Variants in GPR158 observed in about 807,000 individuals in gnomAD.
The protein encoded by GPR158 is metabotropic glycine receptor.
A neutral mutation model predicts 78.2 loss-of-function variants in GPR158; 30 were observed. That is an observed-to-expected ratio of 0.38 (90% CI 0.29 to 0.52). The LOEUF (loss-of-function observed/expected upper bound fraction) is 0.52, where lower values mean the gene tolerates loss of function less well. Among genes scored for constraint, GPR158 ranks in the 20% least tolerant of loss-of-function variants. The probability of loss-of-function intolerance (pLI) is 0.83; values close to 1 mark genes in which losing one functional copy is unlikely to be tolerated. For missense variants in GPR158, 1,463 were observed against 1,523.5 expected (o/e 0.96, Z 0.66); for synonymous variants, 581 against 591.1 (o/e 0.98, Z 0.25).
At chr10:25,433,570 T>TGCGC (rs71472803) in intron 4 of GPR158, among the ~76,000 whole-genome samples, 149 of 128,724 alleles carry the variant, frequency 1.2e-3, no homozygotes, top group Middle Eastern at 3.9e-3. Flanking sequence ...TGTGTGTGTG[T>TGCGC]GCGCGCGCGC....
chr10:25,244,023 T>G (rs1442564490), intron 2 of GPR158: 1 of 152,204 alleles, frequency 6.6e-6, no homozygotes, highest in African/African-American at 2.4e-5. Context: ...TTCCAGGCTT[T>G]TAGGGGCCTA....
intron 3 of GPR158, among the ~76,000 whole-genome samples, chr10:25,396,496 C>T (rs824592): frequency 0.72 from 109,854 of 152,010 alleles, 40,757 homozygotes; most frequent in Non-Finnish European, 0.79. Context: ...CAAGGTTTCA[C>T]CACTCTAAAA....
chr10:25,403,709 G>A (rs1834474884), intron 3 of GPR158, among the ~76,000 whole-genome samples: 1 of 151,950 alleles, frequency 6.6e-6, no homozygotes, highest in Non-Finnish European at 1.5e-5. Context: ...TATTCTTAAT[G>A]TGTTTTTCTA....
chr10:25,276,964 A>G (rs1201951916), intron 2 of GPR158, among the ~76,000 whole-genome samples: 2 of 138,636 alleles, frequency 1.4e-5, no homozygotes, highest in Non-Finnish European at 3.1e-5. Context: ...TTTTTTTTTT[A>G]TAATAGACAG....
At chr10:25,557,705 T>C (rs932530850) in intron 6 of GPR158, among the ~76,000 whole-genome samples, 1 of 152,248 alleles carries the variant, frequency 6.6e-6, no homozygotes, top group Admixed American at 6.5e-5. Flanking sequence ...TTTAGTCTAC[T>C]CATAGAAGTA....
At chr10:25,452,811 C>G (rs913520325) in intron 4 of GPR158, among the ~76,000 whole-genome samples, 1 of 152,166 alleles carries the variant, frequency 6.6e-6, no homozygotes, top group African/African-American at 2.4e-5. Flanking sequence ...GCCACCCATT[C>G]TGTATATTAG....
intron 1 of GPR158, among the ~76,000 whole-genome samples, chr10:25,197,181 A>C (rs1386613408): frequency 6.6e-6 from 1 of 152,224 alleles, no homozygotes; most frequent in Non-Finnish European, 1.5e-5. Flanking sequence ...CCCTCTGACC[A>C]GTCTTCTTAC....
chr10:25,568,504 G>A (rs1836962425), intron 6 of GPR158, among the ~76,000 whole-genome samples: 1 of 152,146 alleles, frequency 6.6e-6, no homozygotes, highest in African/African-American at 2.4e-5. Flanking sequence ...GGAAGCTGAA[G>A]GTTCCAGCCA....
At chr10:25,504,061 T>G (rs1835979370) in intron 5 of GPR158, among the ~76,000 whole-genome samples, 1 of 151,978 alleles carries the variant, frequency 6.6e-6, no homozygotes, top group South Asian at 2.1e-4. Context: ...CAGCTAATTT[T>G]TGTATTATTA....
chr10:25,209,010 G>C (rs1400336408), intron 1 of GPR158, among the ~76,000 whole-genome samples: 1 of 151,636 alleles, frequency 6.6e-6, no homozygotes, highest in Admixed American at 6.6e-5. Context: ...CACCACACCC[G>C]GCTAATTTTT....
At chr10:25,494,213 G>A (rs1835848158) in intron 5 of GPR158, among the ~76,000 whole-genome samples, 1 of 152,128 alleles carries the variant, frequency 6.6e-6, no homozygotes, top group South Asian at 2.1e-4. Context: ...TCTTTGGTAT[G>A]TGTAATAGTA....
intron 2 of GPR158, among the ~76,000 whole-genome samples, chr10:25,351,925 A>G (rs1855478870): frequency 6.6e-6 from 1 of 151,664 alleles, no homozygotes; most frequent in Admixed American, 6.6e-5. Flanking sequence ...GACAGGCCCC[A>G]GTGTGTGTTG....
intron 5 of GPR158, among the ~76,000 whole-genome samples, chr10:25,469,783 C>CAAA (rs34432893): frequency 3.6e-4 from 17 of 47,354 alleles, no homozygotes; most frequent in South Asian, 1.4e-3. Flanking sequence ...GACTCCATCT[C>CAAA]AAAAAAAAAA....
intron 4 of GPR158, among the ~76,000 whole-genome samples, chr10:25,434,715 A>G (rs970686815): frequency 2.0e-5 from 3 of 152,240 alleles, no homozygotes; most frequent in Non-Finnish European, 4.4e-5. Context: ...TTAAGGTCAC[A>G]GACGTTAAAG....
intron 5 of GPR158, among the ~76,000 whole-genome samples, chr10:25,513,169 T>A (rs1441369301): frequency 3.1e-5 from 4 of 128,582 alleles, no homozygotes; most frequent in African/African-American, 1.3e-4. Context: ...TGGTCCTGGA[T>A]TTTTTTTTTT....
At chr10:25,390,405 C>G (rs1318463112) in intron 2 of GPR158, among the ~76,000 whole-genome samples, 1 of 152,192 alleles carries the variant, frequency 6.6e-6, no homozygotes, top group African/African-American at 2.4e-5. Flanking sequence ...ATGATGAAGT[C>G]CAGGCTGAGC....
intron 1 of GPR158, among the ~76,000 whole-genome samples, chr10:25,201,620 G>C (rs998116967): frequency 6.6e-6 from 1 of 151,946 alleles, no homozygotes; most frequent in East Asian, 1.9e-4. Flanking sequence ...TATGTCGGCT[G>C]TGTCATACAT....
chr10:25,198,020 C>T (rs1852866822), intron 1 of GPR158, among the ~76,000 whole-genome samples: 1 of 152,000 alleles, frequency 6.6e-6, no homozygotes, highest in African/African-American at 2.4e-5. Flanking sequence ...GGTCTGCTAC[C>T]TTTGCAAAAA....
intron 2 of GPR158, among the ~76,000 whole-genome samples, chr10:25,272,696 C>G (rs971702287): frequency 6.6e-6 from 1 of 152,156 alleles, no homozygotes; most frequent in African/African-American, 2.4e-5. Context: ...GAAATAGAAA[C>G]AGTCAAGATA....
Sources: allele counts gnomAD v4.1 joint callset (sites outside exome capture counted in the v4.1 genomes callset), GRCh38; gene constraint gnomAD v4.1.1; transcripts MANE v1.5; gene names NCBI Gene and HGNC (gene_info 2026-07-23, HGNC 2026-07-21).